F8: variants seen among roughly 807,000 people sequenced by gnomAD.
The protein encoded by F8 is antihemophilic factor.
F8 carries 12 observed loss-of-function variants against 140.6 expected under a neutral mutation model. The ratio of observed to expected loss-of-function variants is 0.09; its 90% CI spans 0.05 to 0.14. The LOEUF (loss-of-function observed/expected upper bound fraction) is 0.14. Among genes scored for constraint, F8 ranks in the 10% least tolerant of loss-of-function variants. The pLI is 1.00. For synonymous variants in F8, 585 were observed against 614.6 expected, an observed-to-expected ratio of 0.95 and a Z score of 0.71; for missense variants, 1,354 against 1,720.7, an observed-to-expected ratio of 0.79 and a Z score of 3.77.
intron 14 of F8, chrX:154,919,241 A>G (rs1313670722): frequency 1.8e-5 from 2 of 112,341 alleles, no homozygotes; most frequent in Non-Finnish European, 3.7e-5. Flanking sequence ...CTATTTATCC[A>G]CATATTTAAC....
intron 22 of F8, among the ~76,000 whole-genome samples, chrX:154,890,736 A>G (rs1476600511): frequency 8.9e-6 from 1 of 112,367 alleles, no homozygotes; most frequent in Non-Finnish European, 1.9e-5. Context: ...TCATATAACG[A>G]TTGGAAAATA....
intron 15 of F8, 88 bp downstream of exon 15, chrX:154,906,332 A>C (rs1269722569): frequency 3.4e-6 from 3 of 879,573 alleles, no homozygotes; most frequent in Admixed American, 3.1e-5. Flanking sequence ...ATACTTTAAA[A>C]ATTTCCAAAA....
chrX:154,838,773 T>C (rs782726923), intron 25 of F8, among the ~76,000 whole-genome samples: 1 of 111,922 alleles, frequency 8.9e-6, no homozygotes, highest in Non-Finnish European at 1.9e-5. Context: ...CACTGTGAAG[T>C]AACACTGTGA....
At chrX:154,981,666 C>A (rs1267594519) in intron 6 of F8, among the ~76,000 whole-genome samples, 6 of 111,175 alleles carry the variant, frequency 5.4e-5, no homozygotes, top group Non-Finnish European at 7.5e-5. Flanking sequence ...TAATTCTTAT[C>A]ATTTTTCTAT....
intron 6 of F8, among the ~76,000 whole-genome samples, chrX:154,973,579 AT>A (rs2073469586): frequency 9.0e-6 from 1 of 111,586 alleles, no homozygotes; most frequent in South Asian, 3.7e-4. Flanking sequence ...ATTTCTGGAC[AT>A]TTTTTGTAGC....
chrX:154,860,702 C>T, intron 24 of F8, 94 bp from the exon 25 acceptor site: 2 of 857,660 alleles, frequency 2.3e-6, no homozygotes, highest in Non-Finnish European at 3.4e-6. Context: ...GCACTTCTCA[C>T]TCTACTTTCT....
chrX:155,021,440 A>G (rs2073760234), intron 1 of F8, among the ~76,000 whole-genome samples: 1 of 112,075 alleles, frequency 8.9e-6, no homozygotes, highest in South Asian at 3.6e-4. Flanking sequence ...AGACAAAAAA[A>G]TAAAATAAAT....
chrX:154,874,278 T>C (rs1474839074), intron 22 of F8, among the ~76,000 whole-genome samples: 1 of 112,737 alleles, frequency 8.9e-6, no homozygotes, highest in Non-Finnish European at 1.9e-5. Flanking sequence ...TCACATCTAT[T>C]AGAATAGTGT....
intron 22 of F8, among the ~76,000 whole-genome samples, chrX:154,880,132 G>T (rs190936816): frequency 8.9e-6 from 1 of 112,036 alleles, no homozygotes; most frequent in Non-Finnish European, 1.9e-5. Flanking sequence ...GTTGAGGAGC[G>T]TCTGCAATTT....
Position 154,869,760 on chromosome X carries a change from G to C in F8, c.6430-6533C>G, listed in dbSNP as rs782460114. 2.7e-5 allele frequency among the ~76,000 whole-genome samples: 3 copies of C among 111,155 alleles called. No homozygotes were observed. The South Asian group carries it at 1.1e-3, about 42-fold the overall frequency. On this transcript the variant is annotated intron_variant, in intron 22 of 25. Transcript: ENST00000360256. The stretch of plus-strand genomic sequence containing the variant: ...AAAAAATCATTGAATCCAGGAGCTG[G>C]TTTTTTTGAAAAAATCAACAAAATA...
intron 12 of F8, among the ~76,000 whole-genome samples, chrX:154,952,216 A>C (rs965770556): frequency 5.3e-5 from 6 of 112,619 alleles, no homozygotes; most frequent in Admixed American, 9.4e-5. Context: ...ACTAGAATTA[A>C]ATACTAAGCA....
At chrX:154,846,740 G>T (rs1304957533) in intron 25 of F8, among the ~76,000 whole-genome samples, 7 of 111,771 alleles carry the variant, frequency 6.3e-5, no homozygotes, top group African/African-American at 1.6e-4. Context: ...TTTATCCAAT[G>T]TGCCAGTCTG....
At chrX:154,844,643 T>C (rs1386328937) in intron 25 of F8, among the ~76,000 whole-genome samples, 1 of 111,770 alleles carries the variant, frequency 8.9e-6, no homozygotes, top group East Asian at 2.8e-4. Flanking sequence ...ATTGATTTTG[T>C]ATCCTGAGAC....
chrX:154,897,112 T>C (rs782614544), intron 21 of F8, among the ~76,000 whole-genome samples: 1 of 112,665 alleles, frequency 8.9e-6, no homozygotes, highest in Non-Finnish European at 1.9e-5. Context: ...AATACTGCTG[T>C]ATAGCAAATG....
chrX:154,984,635 C>A, intron 6 of F8, 52 bp downstream of exon 6: 3 of 927,518 alleles, frequency 3.2e-6, no homozygotes, highest in Non-Finnish European at 4.7e-6. Flanking sequence ...GTACAGAACT[C>A]TGGTGCTGAA....
intron 14 of F8, among the ~76,000 whole-genome samples, chrX:154,922,375 A>G (rs1364322001): frequency 8.9e-6 from 1 of 112,433 alleles, no homozygotes; most frequent in Admixed American, 9.4e-5. Flanking sequence ...ATCATTTTCT[A>G]ATTCATTCAA....
At chrX:154,902,345 T>C (rs1220365561) in intron 18 of F8, among the ~76,000 whole-genome samples, 178 bp from the exon 19 acceptor site, 3 of 111,516 alleles carry the variant, frequency 2.7e-5, no homozygotes, top group Non-Finnish European at 5.7e-5. Context: ...GTTGTGGAGA[T>C]TGAGTTCTGA....
chrX:154,926,749 C>T (rs1251896838), intron 14 of F8, among the ~76,000 whole-genome samples: 1 of 111,551 alleles, frequency 9.0e-6, no homozygotes, highest in Admixed American at 9.5e-5. Context: ...AATTAAGAGT[C>T]TAATTGTGTG....
At chrX:154,880,755 A>G (rs782769602) in intron 22 of F8, among the ~76,000 whole-genome samples, 2 of 112,231 alleles carry the variant, frequency 1.8e-5, no homozygotes, top group South Asian at 3.7e-4. Context: ...GAAATCATTT[A>G]ATGAACTGTT....
Sources: allele counts gnomAD v4.1 joint callset (sites outside exome capture counted in the v4.1 genomes callset), GRCh38; gene constraint gnomAD v4.1.1; transcripts MANE v1.5; gene names NCBI Gene and HGNC (gene_info 2026-07-23, HGNC 2026-07-21).